The following SGCZ variants were observed in gnomAD, a reference collection of about 807,000 sequenced individuals.
SGCZ encodes sarcoglycan zeta.
In SGCZ, 40 loss-of-function variants were observed where a neutral mutation model predicts 41.3. That is an observed-to-expected ratio of 0.97 (90% CI 0.75 to 1.26). SGCZ has a LOEUF of 1.26. Ranked by LOEUF, SGCZ falls within the 50% of genes most tolerant of loss-of-function variation. The pLI, the probability that SGCZ is intolerant of heterozygous loss-of-function variation, is 0.00. For missense variants in SGCZ, 552 were observed against 369.8 expected (o/e 1.49, Z -4.04); for synonymous variants, 206 against 137.5 (o/e 1.50, Z -3.49).
At chr8:15,175,376 T>A (rs1238168708) in intron 1 of SGCZ, among the ~76,000 whole-genome samples, 1 of 152,008 alleles carries the variant, frequency 6.6e-6, no homozygotes, top group Admixed American at 6.6e-5. Flanking sequence ...TAAGATCATG[T>A]CCTTTGCAGG....
At chr8:14,567,677 T>A (rs1210621404) in intron 1 of SGCZ, among the ~76,000 whole-genome samples, 2 of 152,268 alleles carry the variant, frequency 1.3e-5, no homozygotes, top group South Asian at 4.1e-4. Context: ...TTGCAATAAG[T>A]CTTGATACTG....
At chr8:15,039,732 G>T (rs1280053150) in intron 1 of SGCZ, among the ~76,000 whole-genome samples, 2 of 152,130 alleles carry the variant, frequency 1.3e-5, no homozygotes, top group African/African-American at 2.4e-5. Context: ...CAACTGTATG[G>T]TGAAAATAAT....
intron 4 of SGCZ, among the ~76,000 whole-genome samples, chr8:14,207,203 G>C (rs1473626654): frequency 8.0e-5 from 3 of 37,272 alleles, no homozygotes; most frequent in African/African-American, 2.1e-4. Flanking sequence ...CTTATAAACA[G>C]AACAAGAAAT....
chr8:14,602,442 TG>T (rs1805623497), intron 1 of SGCZ, among the ~76,000 whole-genome samples: 1 of 151,782 alleles, frequency 6.6e-6, no homozygotes, highest in African/African-American at 2.4e-5. Flanking sequence ...GGGAGGTAAT[TG>T]GGAGGCTGAG....
chr8:14,245,864 C>T (rs562086303), intron 3 of SGCZ, among the ~76,000 whole-genome samples: 2 of 152,284 alleles, frequency 1.3e-5, no homozygotes, highest in Non-Finnish European at 2.9e-5. Context: ...CATCACTGGC[C>T]ATCAGAGAAA....
intron 1 of SGCZ, among the ~76,000 whole-genome samples, chr8:14,566,072 T>A (rs1232785287): frequency 6.6e-6 from 1 of 152,182 alleles, no homozygotes; most frequent in African/African-American, 2.4e-5. Flanking sequence ...TCACAATGAA[T>A]ATGTTTTAAT....
At chr8:15,193,406 C>A in intron 1 of SGCZ, among the ~76,000 whole-genome samples, 1 of 151,958 alleles carries the variant, frequency 6.6e-6, no homozygotes, top group East Asian at 1.9e-4. Context: ...ATTTTAATAT[C>A]CTTTGAGTAT....
At chr8:15,102,889 G>C (rs1806668454) in intron 1 of SGCZ, among the ~76,000 whole-genome samples, 1 of 151,990 alleles carries the variant, frequency 6.6e-6, no homozygotes, top group South Asian at 2.1e-4. Flanking sequence ...GAACTCTTTA[G>C]TCCAAGACTG....
At chr8:14,921,530 A>C (rs1585380774) in intron 1 of SGCZ, among the ~76,000 whole-genome samples, 1 of 151,832 alleles carries the variant, frequency 6.6e-6, no homozygotes, top group Non-Finnish European at 1.5e-5. Context: ...ATGCTTATTT[A>C]AATCCCCATT....
chr8:14,832,571 C>A (rs1802569006), intron 1 of SGCZ, among the ~76,000 whole-genome samples: 1 of 152,046 alleles, frequency 6.6e-6, no homozygotes, highest in Non-Finnish European at 1.5e-5. Flanking sequence ...AACACATATA[C>A]TTTGTAGAAT....
chr8:14,590,797 A>G (rs112297797), intron 1 of SGCZ, among the ~76,000 whole-genome samples: 184 of 148,108 alleles, frequency 1.2e-3, no homozygotes, highest in Middle Eastern at 7.8e-3. Context: ...ACTTTATAAT[A>G]TATATGAATA....
At chr8:14,909,403 T>A (rs1799216184) in intron 1 of SGCZ, among the ~76,000 whole-genome samples, 1 of 152,206 alleles carries the variant, frequency 6.6e-6, no homozygotes, top group South Asian at 2.1e-4. Context: ...GTTTTAACGT[T>A]ACAACGTATT....
At chr8:14,184,555 G>A (rs975193726) in intron 4 of SGCZ, among the ~76,000 whole-genome samples, 1 of 152,140 alleles carries the variant, frequency 6.6e-6, no homozygotes, top group African/African-American at 2.4e-5. Context: ...ACTAAACACT[G>A]TACAGAGCTG....
At chr8:14,631,806 A>G (rs192871521) in intron 1 of SGCZ, among the ~76,000 whole-genome samples, 141 of 152,216 alleles carry the variant, frequency 9.3e-4, no homozygotes, top group African/African-American at 3.4e-3. Context: ...CTCTACCACC[A>G]AACACTTGAG....
intron 2 of SGCZ, among the ~76,000 whole-genome samples, chr8:14,456,597 C>A (rs896495121): frequency 6.6e-6 from 1 of 151,828 alleles, no homozygotes; most frequent in Non-Finnish European, 1.5e-5. Flanking sequence ...GATTGGTTAC[C>A]TATTGAGGGG....
chr8:14,103,400 T>G (rs113027936), intron 6 of SGCZ, among the ~76,000 whole-genome samples: 6 of 152,210 alleles, frequency 3.9e-5, no homozygotes, highest in African/African-American at 1.4e-4. Flanking sequence ...CACCTGCCTG[T>G]GATCGCCCTA....
At chr8:14,237,456 C>G (rs1158645892) in intron 4 of SGCZ, 136 bp downstream of exon 4, 2 of 799,618 alleles carry the variant, frequency 2.5e-6, no homozygotes, top group Middle Eastern at 2.4e-4. Flanking sequence ...TGCACTCCAG[C>G]CTGGTGACAG....
At chr8:14,877,679 G>A (rs1232695954) in intron 1 of SGCZ, among the ~76,000 whole-genome samples, 1 of 152,056 alleles carries the variant, frequency 6.6e-6, no homozygotes, top group Non-Finnish European at 1.5e-5. Context: ...AAACACAAAT[G>A]TACATCTTTT....
chr8:15,211,447 T>A (rs1189380943), intron 1 of SGCZ, among the ~76,000 whole-genome samples: 1 of 152,088 alleles, frequency 6.6e-6, no homozygotes, highest in East Asian at 1.9e-4. Context: ...CCCATGAACC[T>A]CCTACTATCC....
Sources: allele counts gnomAD v4.1 joint callset (sites outside exome capture counted in the v4.1 genomes callset), GRCh38; gene constraint gnomAD v4.1.1; transcripts MANE v1.5; gene names NCBI Gene and HGNC (gene_info 2026-07-23, HGNC 2026-07-21).